The following AK7 variants were observed in gnomAD, a reference collection of about 807,000 sequenced individuals.
AK7 encodes ATP-AMP transphosphorylase 7.
In AK7, 78 loss-of-function variants were observed where a neutral mutation model predicts 96.6. The observed-to-expected ratio is 0.81, with a 90% CI of 0.67 to 0.97. AK7 has a LOEUF of 0.97. AK7 is among the 50% of genes least tolerant of loss of function. AK7 has a pLI of 0.00. For missense variants in AK7, 855 were observed against 887.9 expected (o/e 0.96, Z 0.47); for synonymous variants, 302 against 317.2 (o/e 0.95, Z 0.51).
chr14:96,424,012 G>A (rs373427918), intron 5 of AK7: 1 of 785,108 alleles, frequency 1.3e-6, no homozygotes, highest in Non-Finnish European at 2.3e-6. Flanking sequence ...ATCCGGGTCT[G>A]TCAAGACCCA....
intron 5 of AK7, among the ~76,000 whole-genome samples, chr14:96,428,713 G>T (rs1260759557): frequency 6.6e-6 from 1 of 152,178 alleles, no homozygotes; most frequent in Non-Finnish European, 1.5e-5. Context: ...CTGATGGCCA[G>T]TGATGATGAG....
chr14:96,398,234 C>G lies in AK7; in HGVS notation c.265C>G (p.Arg89Gly), dbSNP rs199700054. ...CACGCTGTCCAAGCCTGACAGCCCGCGGCCTGACTTTGCGGTGGAGACGTA... is the reference window on the plus strand; with the variant it reads ...CACGCTGTCCAAGCCTGACAGCCCGGGGCCTGACTTTGCGGTGGAGACGTA... ...VGTLSKPDSP[R>G]PDFAVETYSA... Residue 89 changes from arginine (R) to glycine (G), a missense_variant, in exon 2 of 18, where the codon CGG becomes GGG. By Grantham distance (125) the Arg-to-Gly change is moderately radical. Transcript: ENST00000267584. The G allele has an allele frequency of 6.2e-7, 1 of 1,613,494 alleles. No individual in the cohort carries two copies. Among genetic ancestry groups the G allele is most frequent in the Admixed American group, 1.7e-5 (1 of 60,022 alleles).
intron 2 of AK7, among the ~76,000 whole-genome samples, chr14:96,401,848 A>G (rs1890427239): frequency 6.6e-6 from 1 of 152,188 alleles, no homozygotes; most frequent in Admixed American, 6.5e-5. Flanking sequence ...ATCTTCTCCT[A>G]TGAGACAAAA....
chr14:96,447,383 T>C (rs1255407950), intron 8 of AK7, among the ~76,000 whole-genome samples: 1 of 152,210 alleles, frequency 6.6e-6, no homozygotes, highest in African/African-American at 2.4e-5. Flanking sequence ...GGTGTGATCA[T>C]AGCTCACTGC....
At chr14:96,440,269 G>A (rs758435239) in intron 6 of AK7, among the ~76,000 whole-genome samples, 7 of 152,104 alleles carry the variant, frequency 4.6e-5, no homozygotes, top group African/African-American at 1.4e-4. Context: ...CACCGTGCCC[G>A]GCCTCGAACT....
Position 96,424,237 on chromosome 14 carries a change from G to T in AK7, c.609+3305G>T, listed in dbSNP as rs759703147. The T allele has an allele frequency of 3.7e-4, 163 of 446,414 alleles. 1 individual carries two copies. Among genetic ancestry groups the T allele is most frequent in the South Asian group, 7.3e-4 (32 of 43,674 alleles). The allele number at this position is 446,414 out of a possible 1,614,324, so 27.7% of individuals were successfully genotyped here. A position where few individuals can be genotyped will look rare whatever the true frequency, so the allele number is the denominator to read the frequency against. ...CGCGTGGCGGGGCCGAGCGGAGCGC[G>T]CAGCCGGGAGTGCCGCGGGAGGCCA... On this transcript the variant is annotated intron_variant, in intron 5 of 17. Transcript: ENST00000267584.
chr14:96,394,660 T>G (rs969728303), intron 1 of AK7, among the ~76,000 whole-genome samples: 3 of 152,162 alleles, frequency 2.0e-5, no homozygotes, highest in Non-Finnish European at 4.4e-5. Context: ...ACGCAGGGGT[T>G]AGGGGTTTTG....
chr14:96,440,217 G>A (rs112618514), intron 6 of AK7, among the ~76,000 whole-genome samples: 5,736 of 152,042 alleles, frequency 0.038, 166 homozygotes, highest in African/African-American at 0.076. Flanking sequence ...TTCGTGATCC[G>A]CCCGCCTCAG....
intron 14 of AK7, among the ~76,000 whole-genome samples, chr14:96,473,132 G>A (rs1033496111): frequency 4.6e-5 from 7 of 151,280 alleles, no homozygotes; most frequent in East Asian, 1.9e-4. Context: ...TGTTTTCCCC[G>A]GTAACTGGGA....
chr14:96,478,526 T>A lies in AK7; in HGVS notation c.1617T>A (p.Pro539=). Residue 539 remains proline (P), a synonymous_variant, in exon 15 of 18, where the codon CCT becomes CCA. Coordinates refer to ENST00000267584, the MANE Select transcript of AK7 (RefSeq NM_152327.5). ...EFLKERVINL[P]ESIVAGTHYS... is the part of the protein sequence containing the mutation. ...TGAAGGAGCGTGTGATAAACCTTCC[T>A]GAGAGCATCGTGGCGGGGACCCACT... 1.9e-6 allele frequency: 3 copies of A among 1,614,206 alleles called. No homozygotes were observed. The highest frequency in any genetic ancestry group is 2.5e-6 in the Non-Finnish European group (3 of 1,180,030).
chr14:96,451,758 C>T (rs952080085), intron 10 of AK7, among the ~76,000 whole-genome samples, 188 bp downstream of exon 10: 3 of 151,946 alleles, frequency 2.0e-5, no homozygotes, highest in Non-Finnish European at 1.5e-5. Context: ...ACCTGTGAAC[C>T]AAACATGAAC....
intron 6 of AK7, among the ~76,000 whole-genome samples, chr14:96,440,725 A>G (rs146545380): frequency 4.0e-3 from 611 of 152,298 alleles, no homozygotes; most frequent in Non-Finnish European, 5.0e-3. Context: ...GGTCTCAATC[A>G]ATTTAGAAGT....
chr14:96,418,172 T>C lies in AK7; in HGVS notation c.499-2650T>C, dbSNP rs188429157. ...ACCCTGCCTTTACACAAAACAATTT[T>C]TTTTTATTAGCCTGGCATGGTGGCA... On this transcript the variant is annotated intron_variant, in intron 4 of 17. Coordinates refer to ENST00000267584, the MANE Select transcript of AK7 (RefSeq NM_152327.5). Among the ~76,000 whole-genome samples the C allele has an allele frequency of 4.3e-3, 650 of 150,330 alleles. 3 individuals carry two copies. Among genetic ancestry groups the C allele is most frequent in the Non-Finnish European group, 6.8e-3 (462 of 67,512 alleles).
chr14:96,443,030 A>G (rs982526271), intron 7 of AK7, among the ~76,000 whole-genome samples: 1 of 152,208 alleles, frequency 6.6e-6, no homozygotes, highest in African/African-American at 2.4e-5. Flanking sequence ...ATTTCTGGTG[A>G]CAAGTTCAGG....
intron 12 of AK7, among the ~76,000 whole-genome samples, chr14:96,462,523 TCC>T (rs1894310348): frequency 6.6e-6 from 1 of 152,042 alleles, no homozygotes; most frequent in Non-Finnish European, 1.5e-5. Flanking sequence ...CTAACTCCAC[TCC>T]CATCGGCCCC....
intron 5 of AK7, among the ~76,000 whole-genome samples, chr14:96,433,581 T>C (rs918107520): frequency 1.3e-5 from 2 of 152,206 alleles, no homozygotes; most frequent in African/African-American, 4.8e-5. Context: ...CTAATCTTTT[T>C]TCAAGGTTTT....
chr14:96,398,296 A>G, intron 2 of AK7, 33 bp downstream of exon 2: 2 of 1,608,042 alleles, frequency 1.2e-6, no homozygotes, highest in Non-Finnish European at 1.7e-6. Context: ...AGGAGTAGAC[A>G]GAGGGAAGAG....
At chr14:96,458,338 G>A (rs1011363686) in intron 12 of AK7, 126 bp downstream of exon 12, 3 of 1,265,900 alleles carry the variant, frequency 2.4e-6, no homozygotes, top group South Asian at 1.6e-5. Context: ...GCTCATGCCT[G>A]TAATCCCAGC....
intron 4 of AK7, among the ~76,000 whole-genome samples, chr14:96,416,870 C>A (rs938414583): frequency 6.6e-6 from 1 of 152,212 alleles, no homozygotes; most frequent in Admixed American, 6.5e-5. Flanking sequence ...TCAGAACCTG[C>A]GGCCCCCTCT....
Sources: gnomAD v4.1 joint callset for allele counts (sites outside exome capture counted in the v4.1 genomes callset) on GRCh38, gnomAD v4.1.1 for gene constraint, MANE v1.5 for transcripts, NCBI Gene and HGNC (gene_info 2026-07-23, HGNC 2026-07-21) for gene names.